The following PCDHA5 variants were observed in gnomAD, a reference collection of about 807,000 sequenced individuals.
PCDHA5 encodes protocadherin alpha-5.
PCDHA5 carries 43 observed loss-of-function variants against 61.6 expected under a neutral mutation model. The ratio of observed to expected loss-of-function variants is 0.70; its 90% CI spans 0.55 to 0.90. The LOEUF (loss-of-function observed/expected upper bound fraction) is 0.90. Among genes scored for constraint, PCDHA5 ranks in the 40% least tolerant of loss-of-function variants. The pLI is 0.00. For missense variants in PCDHA5, 1,298 were observed against 1,222.7 expected, an observed-to-expected ratio of 1.06 and a Z score of -0.92; for synonymous variants, 627 against 543.9, an observed-to-expected ratio of 1.15 and a Z score of -2.13.
At position 140,887,760 on chromosome 5, in the gene PCDHA5, A is replaced by AT. The variant is rs1233050056; in HGVS notation, c.2352+63634dup. On this transcript the variant is annotated intron_variant, in intron 1 of 3. Coordinates refer to ENST00000529859, the MANE Select transcript of PCDHA5 (RefSeq NM_018908.3). Reference sequence around the variant, plus strand: ...CCTTTCTGAGACTCCAGTAACACATATGTTACAATGACACAGGTCATTGAA... The same window carrying AT: ...CCTTTCTGAGACTCCAGTAACACATATTGTTACAATGACACAGGTCATTGAA... Among the ~76,000 whole-genome samples, 21 of 152,264 alleles carry AT rather than the reference A, an allele frequency of 1.4e-4. No individual in the cohort carries two copies. In the East Asian group the frequency reaches 4.1e-3, roughly 29 times the overall value.
At position 140,979,365 on chromosome 5, in the gene PCDHA5, C is replaced by T. The variant is rs782063202; in HGVS notation, c.2411+358C>T. Among the ~76,000 whole-genome samples, 13 of 151,916 alleles carry T rather than the reference C, an allele frequency of 8.6e-5. 1 individual carries two copies. The highest frequency in any genetic ancestry group is 1.5e-5 in the Non-Finnish European group (1 of 67,992). On this transcript the variant is annotated intron_variant, in intron 2 of 3. Coordinates refer to ENST00000529859, the MANE Select transcript of PCDHA5 (RefSeq NM_018908.3). ...TGTAATTAATACTCATGCTTTGAGA[C>T]TTGGGTACATTGTGCAATGTATACA...
intron 1 of PCDHA5, among the ~76,000 whole-genome samples, chr5:140,957,326 C>G (rs2095350528): frequency 6.6e-6 from 1 of 152,118 alleles, no homozygotes; most frequent in African/African-American, 2.4e-5. Context: ...GAGCACAGTA[C>G]AGTAAGATAT....
In PCDHA5 at chr5:140,850,586, C is replaced by T. The variant is rs10040059; in HGVS notation, c.2352+26459C>T. The stretch of plus-strand genomic sequence containing the variant: ...CCGAGGTGACGCTGGTGGATGTCAA[C>T]GTGTACCTGATCATCGCCATCTGCG... On this transcript the variant is annotated intron_variant, in intron 1 of 3. Transcript: ENST00000529859. 1,289 of 1,598,414 alleles carry T rather than the reference C, an allele frequency of 8.1e-4. 73 individuals carry two copies. In the African/African-American group the frequency reaches 0.014, roughly 17 times the overall value.
At chr5:140,871,053 G>A in intron 1 of PCDHA5, 1 of 1,613,334 alleles carries the variant, frequency 6.2e-7, no homozygotes, top group East Asian at 2.2e-5. Flanking sequence ...TAGTACTGGT[G>A]AAGGATCACG....
intron 1 of PCDHA5, among the ~76,000 whole-genome samples, chr5:140,946,679 C>T (rs556487333): frequency 4.1e-5 from 6 of 144,812 alleles, no homozygotes; most frequent in East Asian, 4.0e-4. Flanking sequence ...TCCTGTCATT[C>T]GTGACAATAT....
intron 1 of PCDHA5, chr5:140,870,682 C>G: frequency 6.2e-7 from 1 of 1,612,762 alleles, no homozygotes; most frequent in South Asian, 1.1e-5. Flanking sequence ...CCACGAGGAG[C>G]TGGAGCTGCT....
At chr5:140,971,209 C>T (rs147218200) in intron 1 of PCDHA5, among the ~76,000 whole-genome samples, 3 of 152,118 alleles carry the variant, frequency 2.0e-5, no homozygotes, top group African/African-American at 7.2e-5. Context: ...ACACTGTTAC[C>T]CTCCCTCTCC....
At chr5:140,887,100 T>TC (rs1231390589) in intron 1 of PCDHA5, among the ~76,000 whole-genome samples, 2 of 151,232 alleles carry the variant, frequency 1.3e-5, no homozygotes, top group Non-Finnish European at 2.9e-5. Flanking sequence ...TATCTTTATC[T>TC]CTTTTTTTTT....
chr5:140,827,997 A>G (rs1769481948), intron 1 of PCDHA5: 1 of 1,482,378 alleles, frequency 6.7e-7, no homozygotes, highest in Admixed American at 2.3e-5. Flanking sequence ...ATGATGGCGG[A>G]CGCAGAAGAA....
At chr5:140,929,241 T>TG (rs2085975080) in intron 1 of PCDHA5, 1 of 1,613,878 alleles carries the variant, frequency 6.2e-7, no homozygotes. Context: ...TGCGAAATCT[T>TG]GCCACTGGGG....
intron 1 of PCDHA5, among the ~76,000 whole-genome samples, chr5:140,911,609 C>T (rs1554194830): frequency 6.6e-6 from 1 of 152,170 alleles, no homozygotes; most frequent in Non-Finnish European, 1.5e-5. Flanking sequence ...TCATTATGTT[C>T]CTTAGTTCCC....
At chr5:140,865,235 C>A (rs982582356) in intron 1 of PCDHA5, 2 of 152,098 alleles carry the variant, frequency 1.3e-5, no homozygotes, top group African/African-American at 4.8e-5. Flanking sequence ...CCAGAGAACA[C>A]GTATTTATAG....
chr5:140,868,245 C>T (rs1264028092), intron 1 of PCDHA5: 1 of 152,002 alleles, frequency 6.6e-6, no homozygotes, highest in Non-Finnish European at 1.5e-5. Context: ...GATCAATAGA[C>T]TTTTCCTTTG....
At chr5:140,926,391 A>G (rs76822698) in intron 1 of PCDHA5, 1 of 152,346 alleles carries the variant, frequency 6.6e-6, no homozygotes, top group East Asian at 1.9e-4. Context: ...GGGCTCAGCC[A>G]CAGTTATCAG....
intron 1 of PCDHA5, chr5:140,884,705 C>G (rs1156324848): frequency 3.4e-6 from 5 of 1,491,236 alleles, no homozygotes; most frequent in African/African-American, 1.4e-5. Flanking sequence ...AACACTTTAG[C>G]CTTCCTTGCA....
At chr5:140,942,422 G>C (rs1445298712) in intron 1 of PCDHA5, among the ~76,000 whole-genome samples, 3 of 150,866 alleles carry the variant, frequency 2.0e-5, no homozygotes, top group Non-Finnish European at 4.4e-5. Context: ...AAAAAAAAAA[G>C]ATATCTAACA....
intron 1 of PCDHA5, among the ~76,000 whole-genome samples, chr5:140,838,420 G>A (rs1431483628): frequency 6.6e-6 from 1 of 151,224 alleles, no homozygotes; most frequent in Non-Finnish European, 1.5e-5. Flanking sequence ...CACCGCATCC[G>A]GCCTAAATTA....
At chr5:140,901,583 T>C (rs530803677) in intron 1 of PCDHA5, among the ~76,000 whole-genome samples, 14 of 152,340 alleles carry the variant, frequency 9.2e-5, no homozygotes, top group African/African-American at 3.4e-4. Context: ...GCCAGTGCCA[T>C]GATGTTTTGG....
chr5:140,848,428 C>A lies in PCDHA5; in HGVS notation c.2352+24301C>A, dbSNP rs2150410339. 6.6e-5 allele frequency: 95 copies of A among 1,449,944 alleles called. 7 individuals are homozygous for A. The highest frequency in any genetic ancestry group is 8.7e-5 in the Non-Finnish European group (92 of 1,058,798). The allele number at this position is 1,449,944 out of a possible 1,614,324, so 89.8% of individuals were successfully genotyped here. A position where few individuals can be genotyped will look rare whatever the true frequency, so the allele number is the denominator to read the frequency against. On this transcript the variant is annotated intron_variant, in intron 1 of 3. Transcript: ENST00000529859. ...GGCGAACACAGCAGAATGGGACTGA[C>A]GAAATCAGATGATTTCTTCTAATTT...
Sources: gnomAD v4.1 joint callset for allele counts (sites outside exome capture counted in the v4.1 genomes callset) on GRCh38, gnomAD v4.1.1 for gene constraint, MANE v1.5 for transcripts, NCBI Gene and HGNC (gene_info 2026-07-23, HGNC 2026-07-21) for gene names.